The following CSMD1 variants were observed in gnomAD, a reference collection of about 807,000 sequenced individuals.
The protein encoded by CSMD1 is CUB and Sushi multiple domains 1.
CSMD1 carries 213 observed loss-of-function variants against 417.5 expected under a neutral mutation model. That is an observed-to-expected ratio of 0.51 (90% CI 0.46 to 0.57). CSMD1 has a LOEUF of 0.57. CSMD1 is among the 20% of genes least tolerant of loss of function. The pLI, the probability that CSMD1 is intolerant of heterozygous loss-of-function variation, is 0.00. For synonymous variants in CSMD1, 2,862 were observed against 1,736.8 expected, an observed-to-expected ratio of 1.65 and a Z score of -16.11; for missense variants, 6,923 against 4,529.7, an observed-to-expected ratio of 1.53 and a Z score of -15.17.
intron 3 of CSMD1, among the ~76,000 whole-genome samples, chr8:4,341,452 T>C (rs575521154): frequency 6.6e-6 from 1 of 152,206 alleles, no homozygotes; most frequent in East Asian, 1.9e-4. Flanking sequence ...CTCATTGTGG[T>C]TAAGAAGCAG....
intron 3 of CSMD1, among the ~76,000 whole-genome samples, chr8:4,329,337 G>A (rs1232861193): frequency 6.6e-6 from 1 of 152,134 alleles, no homozygotes; most frequent in Non-Finnish European, 1.5e-5. Flanking sequence ...CACCCAGGCT[G>A]GAGTGCAGTG....
chr8:3,785,923 G>C (rs1799433091), intron 5 of CSMD1, among the ~76,000 whole-genome samples: 1 of 152,152 alleles, frequency 6.6e-6, no homozygotes, highest in African/African-American at 2.4e-5. Flanking sequence ...CACCATTCTT[G>C]GAGCCGAGGA....
At chr8:4,234,991 C>T (rs1399003057) in intron 3 of CSMD1, among the ~76,000 whole-genome samples, 1 of 152,114 alleles carries the variant, frequency 6.6e-6, no homozygotes, top group Non-Finnish European at 1.5e-5. Context: ...CAATTTTATC[C>T]CAAAAGCTCT....
chr8:3,683,789 T>C (rs1282358760), intron 7 of CSMD1, among the ~76,000 whole-genome samples: 1 of 152,184 alleles, frequency 6.6e-6, no homozygotes. Context: ...AAACCACATC[T>C]GCTTTGTGTT....
At chr8:3,912,974 T>G (rs540822118) in intron 5 of CSMD1, among the ~76,000 whole-genome samples, 8 of 152,082 alleles carry the variant, frequency 5.3e-5, no homozygotes, top group African/African-American at 1.7e-4. Flanking sequence ...TAACCAAATG[T>G]GAGGAAGACA....
chr8:4,377,505 G>T (rs1802831957), intron 3 of CSMD1, among the ~76,000 whole-genome samples: 1 of 152,104 alleles, frequency 6.6e-6, no homozygotes, highest in Non-Finnish European at 1.5e-5. Context: ...GTTCTCCAAA[G>T]ATCACTTTTG....
chr8:3,634,905 C>G (rs1351314595), intron 7 of CSMD1, among the ~76,000 whole-genome samples: 2 of 152,152 alleles, frequency 1.3e-5, no homozygotes, highest in African/African-American at 2.4e-5. Context: ...CTATAGGGTA[C>G]AGCCGCTTGC....
chr8:4,575,905 T>C (rs976253134), intron 2 of CSMD1, among the ~76,000 whole-genome samples: 2 of 152,216 alleles, frequency 1.3e-5, no homozygotes, highest in African/African-American at 2.4e-5. Flanking sequence ...ACAGCTGTTG[T>C]GATCGTTCCA....
At chr8:3,241,394 T>G (rs375585032) in intron 26 of CSMD1, among the ~76,000 whole-genome samples, 32 of 152,102 alleles carry the variant, frequency 2.1e-4, no homozygotes, top group Middle Eastern at 3.4e-3. Flanking sequence ...AAGGGGACGG[T>G]CTTACCCTCC....
chr8:3,678,394 A>G (rs973015576), intron 7 of CSMD1, among the ~76,000 whole-genome samples: 1 of 152,228 alleles, frequency 6.6e-6, no homozygotes, highest in Non-Finnish European at 1.5e-5. Flanking sequence ...ATGAATGCAC[A>G]AGTTTGAACA....
At chr8:4,549,074 C>T (rs973088139) in intron 2 of CSMD1, among the ~76,000 whole-genome samples, 1 of 152,032 alleles carries the variant, frequency 6.6e-6, no homozygotes, top group East Asian at 1.9e-4. Flanking sequence ...ACTTCATTAA[C>T]TTCATTAAAC....
chr8:3,071,249 T>C (rs544955030), intron 49 of CSMD1, among the ~76,000 whole-genome samples: 1 of 152,282 alleles, frequency 6.6e-6, no homozygotes, highest in African/African-American at 2.4e-5. Flanking sequence ...TATTAGTATG[T>C]ATATAATTTC....
chr8:3,266,147 A>G (rs559058864), intron 26 of CSMD1, among the ~76,000 whole-genome samples: 1 of 151,306 alleles, frequency 6.6e-6, no homozygotes, highest in Non-Finnish European at 1.5e-5. Flanking sequence ...TGATGTCCTG[A>G]GACCAACCCT....
chr8:3,723,455 G>C (rs1361769650), intron 6 of CSMD1, among the ~76,000 whole-genome samples: 1 of 152,132 alleles, frequency 6.6e-6, no homozygotes, highest in Non-Finnish European at 1.5e-5. Context: ...CATAGATCAT[G>C]GGAAACTACC....
At chr8:4,859,719 C>T (rs1802013983) in intron 1 of CSMD1, among the ~76,000 whole-genome samples, 1 of 152,022 alleles carries the variant, frequency 6.6e-6, no homozygotes, top group Admixed American at 6.6e-5. Context: ...GATACCATCT[C>T]ACACCAGTTA....
At chr8:3,560,613 G>A (rs769402484) in intron 10 of CSMD1, among the ~76,000 whole-genome samples, 1 of 152,154 alleles carries the variant, frequency 6.6e-6, no homozygotes, top group Non-Finnish European at 1.5e-5. Flanking sequence ...TAGAGAAAAG[G>A]GGGAATGAGA....
At chr8:3,610,380 T>C (rs557769214) in intron 8 of CSMD1, among the ~76,000 whole-genome samples, 84 of 152,210 alleles carry the variant, frequency 5.5e-4, no homozygotes, top group Middle Eastern at 3.4e-3. Flanking sequence ...AAAAATCTTT[T>C]AACAAATTAA....
chr8:3,627,400 C>T (rs902168726), intron 7 of CSMD1, among the ~76,000 whole-genome samples: 3 of 152,132 alleles, frequency 2.0e-5, no homozygotes, highest in Admixed American at 6.5e-5. Flanking sequence ...AAAGAAATCA[C>T]GGCATATCAC....
chr8:4,146,565 A>G (rs1014099102), intron 3 of CSMD1, among the ~76,000 whole-genome samples: 14 of 90,358 alleles, frequency 1.5e-4, no homozygotes, highest in Non-Finnish European at 3.1e-4. Flanking sequence ...AAGCTCCATT[A>G]TTATCTGTCT....
Sources: allele counts gnomAD v4.1 joint callset (sites outside exome capture counted in the v4.1 genomes callset), GRCh38; gene constraint gnomAD v4.1.1; transcripts MANE v1.5; gene names NCBI Gene and HGNC (gene_info 2026-07-23, HGNC 2026-07-21).